The following MSTO1 variants were observed in gnomAD, a reference collection of about 807,000 sequenced individuals.
MSTO1 encodes the protein protein misato homolog 1.
MSTO1 carries 24 observed loss-of-function variants against 55.7 expected under a neutral mutation model. That is an observed-to-expected ratio of 0.43 (90% CI 0.31 to 0.61). The LOEUF is 0.61. Among genes scored for constraint, MSTO1 ranks in the 20% least tolerant of loss-of-function variants. The pLI is 0.09. For missense variants in MSTO1, 363 were observed against 625.7 expected (o/e 0.58, Z 4.48); for synonymous variants, 162 against 252.8 (o/e 0.64, Z 3.41).
In MSTO1 at chr1:155,614,900, A is replaced by G. The variant is rs1675270570; in HGVS notation, c.*627A>G. On this transcript the variant is annotated 3_prime_UTR_variant, in exon 14 of 14. Transcript: ENST00000245564. ...GAAAGGAGGAGGGCTGTATTCACTG[A>G]TCCTTAGTAACATGTTAACATTTAT... The G allele has an allele frequency of 2.1e-6, 3 of 1,431,250 alleles. No individual in the cohort carries two copies. Among genetic ancestry groups the G allele is most frequent in the Non-Finnish European group, 2.9e-6 (3 of 1,035,760 alleles). The allele number at this position is 1,431,250 out of a possible 1,614,324, so 88.7% of individuals were successfully genotyped here.
At chr1:155,584,356 C>T in the MSTO1 span, among the ~76,000 whole-genome samples, 5 of 151,750 alleles carry the variant, frequency 3.3e-5, no homozygotes, top group African/African-American at 1.2e-4. Flanking sequence ...AAGACCCTGT[C>T]TCAAGAAAAA....
the MSTO1 span, among the ~76,000 whole-genome samples, chr1:155,601,664 TAA>T: frequency 6.6e-6 from 1 of 152,162 alleles, no homozygotes; most frequent in East Asian, 1.9e-4. Context: ...TATTGGAAAC[TAA>T]AGTCATTTCC....
chr1:155,591,142 C>G, the MSTO1 span: 1 of 1,613,480 alleles, frequency 6.2e-7, no homozygotes, highest in South Asian at 1.1e-5. Flanking sequence ...CTGGCCACCA[C>G]GATGCTGTTG....
At chr1:155,606,456 A>C (rs967086865), upstream of MSTO1, among the ~76,000 whole-genome samples, 1 of 150,478 alleles carries the variant, frequency 6.6e-6, no homozygotes, top group African/African-American at 2.4e-5. Context: ...GCGCAATGAC[A>C]TGATCTTGGC....
At chr1:155,567,373 G>A in the MSTO1 span, among the ~76,000 whole-genome samples, 1 of 149,944 alleles carries the variant, frequency 6.7e-6, no homozygotes, top group African/African-American at 2.5e-5. Flanking sequence ...GTGCTGTGGC[G>A]CGATCTCCGC....
Position 155,612,429 on chromosome 1 carries a change from A to T in MSTO1, c.825A>T (p.Arg275Ser). The change falls in exon 9 of 14, where the codon AGA becomes AGT. Residue 275 changes from arginine (R) to serine (S), a missense_variant. Physicochemically the swap from Arg to Ser is moderately radical, Grantham distance 110. Transcript: ENST00000245564. ...TCTTTCTTCACCAGGAGGCCCAGAG[A>T]AACATCTATCGTCTATTAAACACAG... ...PGPYHRGEAQRNIYRLLNTAF... is the reference protein window; with the variant it reads ...PGPYHRGEAQSNIYRLLNTAF... 1 of 1,611,900 alleles carries T rather than the reference A, an allele frequency of 6.2e-7. No homozygotes were observed.
the MSTO1 span, among the ~76,000 whole-genome samples, chr1:155,579,136 C>T: frequency 6.6e-6 from 1 of 151,466 alleles, no homozygotes; most frequent in East Asian, 2.0e-4. Context: ...GGAGAAACCC[C>T]GTCTCTACTG....
chr1:155,564,855 C>T, the MSTO1 span, among the ~76,000 whole-genome samples: 1 of 152,152 alleles, frequency 6.6e-6, no homozygotes, highest in African/African-American at 2.4e-5. Flanking sequence ...GGTGTGGTAG[C>T]TCACGCCTGT....
At chr1:155,601,326 G>A in the MSTO1 span, among the ~76,000 whole-genome samples, 6 of 151,456 alleles carry the variant, frequency 4.0e-5, no homozygotes, top group African/African-American at 9.7e-5. Flanking sequence ...TAGTAGAGAC[G>A]GGGTTTCACC....
chr1:155,581,127 T>G, the MSTO1 span, among the ~76,000 whole-genome samples: 324 of 152,232 alleles, frequency 2.1e-3, no homozygotes, highest in African/African-American at 7.4e-3. Context: ...CTACATTTTA[T>G]TTTGTTTTTT....
At chr1:155,574,870 C>CTTTT in the MSTO1 span, among the ~76,000 whole-genome samples, 1 of 126,238 alleles carries the variant, frequency 7.9e-6, no homozygotes, top group African/African-American at 3.0e-5. Context: ...AGAACTTTTT[C>CTTTT]TTTTTTTTTT....
chr1:155,572,042 C>CA, the MSTO1 span, among the ~76,000 whole-genome samples: 1,782 of 77,612 alleles, frequency 0.023, 27 homozygotes, highest in African/African-American at 0.063. Context: ...ACTCTTGTCT[C>CA]AAAAAAAAAA....
the MSTO1 span, among the ~76,000 whole-genome samples, chr1:155,575,487 G>C: frequency 1.3e-5 from 2 of 151,378 alleles, no homozygotes; most frequent in Non-Finnish European, 2.9e-5. Flanking sequence ...TGTTGCCCCC[G>C]GCTGGAGTGC....
chr1:155,582,961 G>T, the MSTO1 span, among the ~76,000 whole-genome samples: 8 of 151,300 alleles, frequency 5.3e-5, no homozygotes, highest in Non-Finnish European at 1.0e-4. Flanking sequence ...GAACTCCTGG[G>T]CTCAAGTGAT....
At chr1:155,600,449 T>C in the MSTO1 span, among the ~76,000 whole-genome samples, 2 of 152,228 alleles carry the variant, frequency 1.3e-5, no homozygotes, top group Non-Finnish European at 2.9e-5. Flanking sequence ...GTCTCCTATG[T>C]CTACTTCTTT....
the MSTO1 span, among the ~76,000 whole-genome samples, chr1:155,579,329 A>G: frequency 8.3e-6 from 1 of 120,910 alleles, no homozygotes; most frequent in Non-Finnish European, 2.1e-5. Flanking sequence ...AAGCAAACAA[A>G]CAAACAAACA....
At chr1:155,577,769 G>T in the MSTO1 span, among the ~76,000 whole-genome samples, 1 of 151,994 alleles carries the variant, frequency 6.6e-6, no homozygotes, top group Non-Finnish European at 1.5e-5. Flanking sequence ...CTTAAGACAG[G>T]GTCTCACTGT....
chr1:155,571,499 C>G, the MSTO1 span, among the ~76,000 whole-genome samples: 1 of 152,116 alleles, frequency 6.6e-6, no homozygotes, highest in Non-Finnish European at 1.5e-5. Flanking sequence ...GAGTTCAAGA[C>G]TGCAGTGAGC....
the MSTO1 span, among the ~76,000 whole-genome samples, chr1:155,566,857 C>T: frequency 2.0e-5 from 3 of 151,830 alleles, no homozygotes; most frequent in Non-Finnish European, 2.9e-5. Context: ...TCAGGTGATC[C>T]GCCCGTCTCG....
Sources: allele counts gnomAD v4.1 joint callset (sites outside exome capture counted in the v4.1 genomes callset), GRCh38; gene constraint gnomAD v4.1.1; transcripts MANE v1.5; gene names NCBI Gene and HGNC (gene_info 2026-07-23, HGNC 2026-07-21).